Variants in SLIT3 observed in about 807,000 individuals in gnomAD.
SLIT3 encodes the protein slit guidance ligand 3.
Under a neutral mutation model 184.0 loss-of-function variants are expected in SLIT3, and 68 were observed. The observed-to-expected ratio is 0.37, with a 90% CI of 0.30 to 0.45. SLIT3 has a LOEUF of 0.45. SLIT3 is among the 20% of genes least tolerant of loss of function. The probability of loss-of-function intolerance (pLI) is 1.00; values close to 1 mark genes in which losing one functional copy is unlikely to be tolerated. For missense variants in SLIT3, 1,707 were observed against 2,026.0 expected (o/e 0.84, Z 3.02); for synonymous variants, 831 against 828.6 (o/e 1.00, Z -0.05).
At chr5:168,735,535 A>C (rs2113410682) in intron 20 of SLIT3, among the ~76,000 whole-genome samples, 1 of 152,206 alleles carries the variant, frequency 6.6e-6, no homozygotes. Context: ...GCTTATAATG[A>C]TCACCACCTT....
chr5:169,011,312 T>C (rs571580378), intron 4 of SLIT3, among the ~76,000 whole-genome samples: 22 of 152,276 alleles, frequency 1.4e-4, no homozygotes, highest in African/African-American at 5.3e-4. Context: ...AAGCCAGAAC[T>C]ATGAAAAGAT....
At chr5:169,072,206 T>C (rs983300804) in intron 4 of SLIT3, among the ~76,000 whole-genome samples, 1 of 152,118 alleles carries the variant, frequency 6.6e-6, no homozygotes, top group African/African-American at 2.4e-5. Context: ...TGTAAGAGTG[T>C]TCCAGGGAGC....
chr5:168,908,938 C>G (rs1761167272), intron 4 of SLIT3, among the ~76,000 whole-genome samples: 1 of 152,206 alleles, frequency 6.6e-6, no homozygotes, highest in Non-Finnish European at 1.5e-5. Context: ...CTGAAAAATG[C>G]TCATAATGCC....
intron 4 of SLIT3, among the ~76,000 whole-genome samples, chr5:169,094,001 A>G (rs938128868): frequency 6.6e-6 from 1 of 152,202 alleles, no homozygotes; most frequent in African/African-American, 2.4e-5. Flanking sequence ...AGCATTTCCT[A>G]TCTGTGAACT....
chr5:169,105,246 C>G (rs1408355791), intron 4 of SLIT3, among the ~76,000 whole-genome samples: 1 of 152,190 alleles, frequency 6.6e-6, no homozygotes, highest in Admixed American at 6.5e-5. Flanking sequence ...CTCTCCTTCC[C>G]CTGGAGACAC....
Position 168,671,261 on chromosome 5 carries a change from C to T in SLIT3, c.4064G>A (p.Cys1355Tyr). The change falls in exon 34 of 36, where the codon TGC (cysteine) becomes TAC (tyrosine). Residue 1355 changes from cysteine (C) to tyrosine (Y), a missense_variant. Physicochemically the swap from Cys to Tyr is radical, Grantham distance 194. Transcript: ENST00000519560. ...SVEKDSVVCE[C>Y]RPGWTGPLCD... ...GAGTGGGCCGGTCCAGCCTGGGCGG[C>T]ACTCGCACACCACGCTGTCCTTCTC... The T allele has an allele frequency of 6.2e-7, 1 of 1,613,566 alleles. No homozygotes were observed. The highest frequency in any genetic ancestry group is 1.1e-5 in the South Asian group (1 of 91,060).
rs560316667 is a variant in SLIT3 at position 168,687,189 on chromosome 5, C to G, written c.3177-73G>C. 2,429 of 1,562,690 alleles carry G rather than the reference C, an allele frequency of 1.6e-3. 4 individuals carry two copies. Among genetic ancestry groups the G allele is most frequent in the Non-Finnish European group, 2.1e-3 (2,344 of 1,138,708 alleles). On this transcript the variant is annotated intron_variant, in intron 29 of 35. Coordinates refer to ENST00000519560, the MANE Select transcript of SLIT3 (RefSeq NM_003062.4). ...TGCAGGCAGTCACTCTCCAGCCCCC[C>G]TCAGCAGGTGGCCTCTCCCCATCTC...
At chr5:169,161,932 C>T (rs775461594) in intron 4 of SLIT3, among the ~76,000 whole-genome samples, 2 of 152,184 alleles carry the variant, frequency 1.3e-5, no homozygotes, top group Non-Finnish European at 1.5e-5. Context: ...GGGACTACTA[C>T]CTAGCCTTGT....
intron 1 of SLIT3, chr5:169,263,704 T>C (rs754146099): frequency 3.9e-6 from 2 of 510,320 alleles, no homozygotes; most frequent in Non-Finnish European, 8.0e-6. Context: ...ACACTCCCCC[T>C]GCAGCCTCCC....
chr5:168,703,761 G>T (rs958743065), intron 26 of SLIT3, among the ~76,000 whole-genome samples: 2 of 151,868 alleles, frequency 1.3e-5, no homozygotes, highest in Non-Finnish European at 2.9e-5. Flanking sequence ...AGAACATCCT[G>T]GCCAACATGG....
intron 6 of SLIT3, among the ~76,000 whole-genome samples, chr5:168,839,486 G>A (rs1330870910): frequency 6.6e-6 from 1 of 152,214 alleles, no homozygotes; most frequent in African/African-American, 2.4e-5. Context: ...AGTGCTTCTA[G>A]TTTTTCCAGA....
chr5:169,029,621 A>G (rs1756950909), intron 4 of SLIT3, among the ~76,000 whole-genome samples: 1 of 152,340 alleles, frequency 6.6e-6, no homozygotes, highest in South Asian at 2.1e-4. Flanking sequence ...GTTTGTTTGA[A>G]ATAAACTGGA....
chr5:169,125,924 C>T (rs558877210), intron 4 of SLIT3, among the ~76,000 whole-genome samples: 1 of 152,264 alleles, frequency 6.6e-6, no homozygotes, highest in East Asian at 1.9e-4. Context: ...CTGAAATATG[C>T]TTTCAGCCTG....
At chr5:169,204,485 A>T (rs1460348958) in intron 3 of SLIT3, among the ~76,000 whole-genome samples, 2 of 152,230 alleles carry the variant, frequency 1.3e-5, no homozygotes, top group Non-Finnish European at 2.9e-5. Context: ...GGAAATCGTG[A>T]CATGCTTCAG....
chr5:169,033,900 C>T (rs1367691724), intron 4 of SLIT3, among the ~76,000 whole-genome samples: 1 of 151,316 alleles, frequency 6.6e-6, no homozygotes, highest in South Asian at 2.1e-4. Context: ...GCAACCTCCA[C>T]CTCCCGGGTT....
At chr5:168,756,202 C>T (rs1754942915) in intron 16 of SLIT3, among the ~76,000 whole-genome samples, 1 of 152,238 alleles carries the variant, frequency 6.6e-6, no homozygotes, top group Admixed American at 6.5e-5. Context: ...GGCACTGCTC[C>T]AGGTCACAGA....
chr5:169,204,422 G>A (rs1420576087), intron 3 of SLIT3, among the ~76,000 whole-genome samples: 2 of 152,196 alleles, frequency 1.3e-5, no homozygotes, highest in Admixed American at 6.5e-5. Flanking sequence ...GAGAAAACGG[G>A]TTGATAGCTA....
At chr5:169,061,995 TA>T (rs1333010069) in intron 4 of SLIT3, among the ~76,000 whole-genome samples, 1 of 152,040 alleles carries the variant, frequency 6.6e-6, no homozygotes, top group Non-Finnish European at 1.5e-5. Flanking sequence ...CCATCCTGGC[TA>T]ACATGGTGAA....
At chr5:169,125,038 T>C (rs913924243) in intron 4 of SLIT3, among the ~76,000 whole-genome samples, 1 of 152,092 alleles carries the variant, frequency 6.6e-6, no homozygotes, top group African/African-American at 2.4e-5. Flanking sequence ...TTGTTTTGTT[T>C]TGTTTTTGTT....
Sources: gnomAD v4.1 joint callset for allele counts (sites outside exome capture counted in the v4.1 genomes callset) on GRCh38, gnomAD v4.1.1 for gene constraint, MANE v1.5 for transcripts, NCBI Gene and HGNC (gene_info 2026-07-23, HGNC 2026-07-21) for gene names.